POLE2: variants seen among roughly 807,000 people sequenced by gnomAD.
The protein encoded by POLE2 is DNA polymerase epsilon 2, accessory subunit, also known as DNA polymerase epsilon subunit 2.
A neutral mutation model predicts 79.4 loss-of-function variants in POLE2; 56 were observed. That is an observed-to-expected ratio of 0.71 (90% confidence interval 0.57 to 0.88). The LOEUF (loss-of-function observed/expected upper bound fraction) is 0.88, where lower values mean the gene tolerates loss of function less well. Among genes scored for constraint, POLE2 ranks in the 40% least tolerant of loss-of-function variants. The pLI is 0.00. For missense variants in POLE2, 598 were observed against 638.9 expected (o/e 0.94, Z 0.69); for synonymous variants, 212 against 214.0 (o/e 0.99, Z 0.08).
chr14:49,670,001 G>A (rs1885759817), intron 5 of POLE2, among the ~76,000 whole-genome samples: 1 of 152,014 alleles, frequency 6.6e-6, no homozygotes, highest in African/African-American at 2.4e-5. Flanking sequence ...TGGGTAGTAA[G>A]AAACAAAAGG....
At chr14:49,678,925 G>C (rs1343262543) in intron 3 of POLE2, among the ~76,000 whole-genome samples, 1 of 152,096 alleles carries the variant, frequency 6.6e-6, no homozygotes, top group Non-Finnish European at 1.5e-5. Context: ...CCAAAGTGCT[G>C]GGATTACAGG....
intron 1 of POLE2, among the ~76,000 whole-genome samples, chr14:49,684,071 C>T (rs551080601): frequency 6.6e-6 from 1 of 152,286 alleles, no homozygotes; most frequent in Admixed American, 6.5e-5. Context: ...ATGTCAAGCA[C>T]CATATCCTGA....
intron 3 of POLE2, 65 bp from the exon 4 acceptor site, chr14:49,674,492 A>G (rs1886117104): frequency 1.1e-6 from 1 of 897,674 alleles, no homozygotes; most frequent in East Asian, 2.4e-5. Flanking sequence ...GGTGAACATG[A>G]TAACTTGCAT....
chr14:49,647,201 C>G, intron 18 of POLE2, 92 bp downstream of exon 18: 1 of 707,778 alleles, frequency 1.4e-6, no homozygotes, highest in Admixed American at 2.8e-5. Flanking sequence ...TAGACATTTT[C>G]AAAAATCCCA....
chr14:49,677,625 A>G, intron 3 of POLE2: 1 of 607,296 alleles, frequency 1.6e-6, no homozygotes, highest in Non-Finnish European at 2.9e-6. Context: ...GAACAGACTG[A>G]TGTCTGGTCC....
intron 3 of POLE2, among the ~76,000 whole-genome samples, chr14:49,676,729 C>T (rs1254009348): frequency 6.6e-6 from 1 of 152,220 alleles, no homozygotes; most frequent in East Asian, 1.9e-4. Context: ...GCCTTTGAGG[C>T]CTGACAGGTG....
intron 18 of POLE2, among the ~76,000 whole-genome samples, chr14:49,645,761 C>T (rs7147006): frequency 6.6e-6 from 1 of 152,082 alleles, no homozygotes; most frequent in African/African-American, 2.4e-5. Flanking sequence ...CTCCCCAGTA[C>T]CTGGGACTAC....
intron 18 of POLE2, among the ~76,000 whole-genome samples, chr14:49,644,173 C>T (rs566086408): frequency 2.1e-4 from 32 of 150,178 alleles, no homozygotes; most frequent in Admixed American, 1.7e-3. Context: ...TGAGCCACCG[C>T]GCCCGGCCAA....
intron 10 of POLE2, among the ~76,000 whole-genome samples, chr14:49,658,569 TC>T (rs1340403690): frequency 6.6e-6 from 1 of 152,194 alleles, no homozygotes; most frequent in Non-Finnish European, 1.5e-5. Flanking sequence ...TTAATGAGGA[TC>T]TACTACATAT....
At chr14:49,673,064 ATC>A (rs1232437350) in intron 5 of POLE2, among the ~76,000 whole-genome samples, 2 of 152,112 alleles carry the variant, frequency 1.3e-5, no homozygotes, top group African/African-American at 2.4e-5. Context: ...GGCCTTACTC[ATC>A]TCTGATTCTT....
intron 10 of POLE2, among the ~76,000 whole-genome samples, chr14:49,662,329 C>T (rs1885155403): frequency 6.6e-6 from 1 of 152,248 alleles, no homozygotes; most frequent in African/African-American, 2.4e-5. Flanking sequence ...GACGGAGTCT[C>T]GCTCTGTTGC....
intron 5 of POLE2, among the ~76,000 whole-genome samples, chr14:49,673,296 C>T (rs748301316): frequency 1.3e-5 from 2 of 152,142 alleles, no homozygotes; most frequent in African/African-American, 2.4e-5. Flanking sequence ...TGGCTGCGAC[C>T]GAGTTTCTCT....
chr14:49,663,299 C>G lies in POLE2; in HGVS notation c.755+16G>C, dbSNP rs1555331850. The G allele has an allele frequency of 6.9e-7, 1 of 1,457,958 alleles. No individual in the cohort carries two copies. Among genetic ancestry groups the G allele is most frequent in the Non-Finnish European group, 9.5e-7 (1 of 1,054,618 alleles). 90.3% of individuals were successfully genotyped at this position (1,457,958 alleles called of 1,614,324 possible). ...TTACCAAATTCCCATAGAGTATAAACCAAACATTTTAATACCTAGTAGTAC... is the reference window on the plus strand; with the variant it reads ...TTACCAAATTCCCATAGAGTATAAAGCAAACATTTTAATACCTAGTAGTAC... On this transcript the variant is annotated intron_variant, in intron 10 of 18. Transcript: ENST00000216367.
rs1291482874 is a variant in POLE2, at chr14:49,646,323, T to G, written c.1565+970A>C. Among the ~76,000 whole-genome samples, 18 of 98,176 alleles carry G rather than the reference T, an allele frequency of 1.8e-4. 1 individual carries two copies. The highest frequency in any genetic ancestry group is 1.3e-3 in the Admixed American group (12 of 9,264). 64.4% of individuals were successfully genotyped at this position (98,176 alleles called of 152,430 possible). ...GTTGGTTTTTTTTTTTTTTTTTTTTTTTTTTTTTTTTTGAGATAGAGTCTC... is the reference window on the plus strand; with the variant it reads ...GTTGGTTTTTTTTTTTTTTTTTTTTGTTTTTTTTTTTTGAGATAGAGTCTC... On this transcript the variant is annotated intron_variant, in intron 18 of 18. Coordinates refer to ENST00000216367, the MANE Select transcript of POLE2 (RefSeq NM_002692.4).
At chr14:49,688,088 G>A (rs1887293683) in intron 1 of POLE2, 48 bp downstream of exon 1, 2 of 1,431,914 alleles carry the variant, frequency 1.4e-6, no homozygotes, top group African/African-American at 1.4e-5. Flanking sequence ...CAGGCAGACG[G>A]GCCCCAGCTC....
chr14:49,647,313 A>G lies in POLE2; in HGVS notation c.1545T>C (p.Ser515=). 6.4e-7 allele frequency: 1 copy of G among 1,567,910 alleles called. No individual in the cohort carries two copies. Among genetic ancestry groups the G allele is most frequent in the Non-Finnish European group, 8.7e-7 (1 of 1,149,816 alleles). The change falls in exon 18 of 19, where the codon TCT becomes TCC. Residue 515 remains serine (S), a synonymous_variant. Coordinates refer to ENST00000216367, the MANE Select transcript of POLE2 (RefSeq NM_002692.4). ...CTTACCTATCTTCTACTGTCTTATT[A>G]GAAGGATAAAAAACTTTGAATGAAA... ...SGFSFKVFYP[S]NKTVEDSKLQ... is the part of the protein sequence containing the mutation.
rs1021702674 is a variant in POLE2, at chr14:49,653,356, T to C, written c.1211+634A>G. On this transcript the variant is annotated intron_variant, in intron 15 of 18. Transcript: ENST00000216367. ...GTATTCCCACAGGAAGAACTTATGA[T>C]TACAATGAGCAATACGAACAGTAAA... is the stretch of plus-strand genomic sequence containing the variant. 7.2e-5 allele frequency among the ~76,000 whole-genome samples: 11 copies of C among 152,354 alleles called. No individual in the cohort carries two copies. The East Asian group carries it at 2.1e-3, about 29-fold the overall frequency.
chr14:49,648,587 G>A (rs1450253143), intron 17 of POLE2, among the ~76,000 whole-genome samples: 1 of 152,150 alleles, frequency 6.6e-6, no homozygotes, highest in African/African-American at 2.4e-5. Flanking sequence ...TCTTAACCAG[G>A]GTTCCTTTGT....
chr14:49,664,242 G>A (rs1388387125), intron 9 of POLE2, among the ~76,000 whole-genome samples: 1 of 150,690 alleles, frequency 6.6e-6, no homozygotes, highest in African/African-American at 2.4e-5. Context: ...TCAGCTACTC[G>A]GAAGGCTGAG....
Sources: gnomAD v4.1 joint callset for allele counts (sites outside exome capture counted in the v4.1 genomes callset) on GRCh38, gnomAD v4.1.1 for gene constraint, MANE v1.5 for transcripts, NCBI Gene and HGNC (gene_info 2026-07-23, HGNC 2026-07-21) for gene names.